Variants in CNST observed in about 807,000 individuals in gnomAD.
CNST encodes the protein consortin.
A neutral mutation model predicts 72.4 loss-of-function variants in CNST; 39 were observed. The observed-to-expected ratio is 0.54, with a 90% CI of 0.42 to 0.70. CNST has a LOEUF of 0.70. Ranked by LOEUF, CNST falls within the 30% of genes least tolerant of loss-of-function variation. The pLI is 0.00. For synonymous variants in CNST, 332 were observed against 320.1 expected, an observed-to-expected ratio of 1.04 and a Z score of -0.40; for missense variants, 871 against 868.5, an observed-to-expected ratio of 1.00 and a Z score of -0.04.
At chr1:246,657,269 G>C (rs1431332456) in intron 9 of CNST, among the ~76,000 whole-genome samples, 1 of 152,162 alleles carries the variant, frequency 6.6e-6, no homozygotes, top group Non-Finnish European at 1.5e-5. Flanking sequence ...TCCTTGGCCT[G>C]CATCTCTTAT....
rs545850789 is a variant in CNST, at chr1:246,610,116, A to G, written c.380-11313A>G. Among the ~76,000 whole-genome samples, 4 of 152,054 alleles carry G rather than the reference A, an allele frequency of 2.6e-5. No homozygotes were observed. The East Asian group carries it at 7.8e-4, about 29-fold the overall frequency. On this transcript the variant is annotated intron_variant, in intron 2 of 10. Coordinates refer to ENST00000366513, the MANE Select transcript of CNST (RefSeq NM_152609.3). ...GTCAAGATGGTGAAACCCCATCTCT[A>G]CTAAAAATACAAAAAATTAGCCAGG...
intron 3 of CNST, among the ~76,000 whole-genome samples, chr1:246,625,712 G>A (rs563836600): frequency 7.2e-5 from 11 of 152,106 alleles, no homozygotes; most frequent in Admixed American, 1.3e-4. Flanking sequence ...GAGCCACTGC[G>A]CCCGGCCTAA....
rs866236398 is a variant in CNST at position 246,632,314 on chromosome 1, A to C, written c.616+390A>C. 17 of 299,674 alleles carry C rather than the reference A, an allele frequency of 5.7e-5. No individual in the cohort carries two copies. The Middle Eastern group carries it at 5.2e-3, about 92-fold the overall frequency. 18.6% of individuals were successfully genotyped at this position (299,674 alleles called of 1,614,324 possible). A position where few individuals can be genotyped will look rare whatever the true frequency, so the allele number is the denominator to read the frequency against. On this transcript the variant is annotated intron_variant, in intron 4 of 10. Coordinates refer to ENST00000366513, the MANE Select transcript of CNST (RefSeq NM_152609.3). The stretch of plus-strand genomic sequence containing the variant: ...TTTTGAGCTTGGCAACGTGCGCCAC[A>C]GACTTGGGACCCGGGACATTGCCGC...
intron 2 of CNST, among the ~76,000 whole-genome samples, chr1:246,599,393 A>G (rs1662113476): frequency 1.3e-5 from 2 of 152,146 alleles, no homozygotes; most frequent in Non-Finnish European, 2.9e-5. Flanking sequence ...CCCTGGGAGA[A>G]TCTGTTTCCT....
chr1:246,660,713 G>C (rs1481988478), intron 10 of CNST, among the ~76,000 whole-genome samples: 1 of 152,090 alleles, frequency 6.6e-6, no homozygotes, highest in Non-Finnish European at 1.5e-5. Flanking sequence ...GCAGAGCGAG[G>C]CTCCATCTCA....
At chr1:246,634,140 A>G (rs1159983868) in intron 5 of CNST, 130 bp downstream of exon 5, 10 of 658,332 alleles carry the variant, frequency 1.5e-5, no homozygotes, top group Non-Finnish European at 2.7e-5. Flanking sequence ...TAATGTTGCA[A>G]AGAAAGTAGC....
At position 246,666,962 on chromosome 1, in the gene CNST, AT is replaced by A. The variant is rs1667414877; in HGVS notation, c.*1060del. The A allele has an allele frequency of 1.3e-5, 2 of 152,204 alleles. No individual in the cohort carries two copies. Among genetic ancestry groups the A allele is most frequent in the Admixed American group, 1.3e-4 (2 of 15,286 alleles). The allele number at this position is 152,204 out of a possible 1,614,324, so 9.4% of individuals were successfully genotyped here. A position where few individuals can be genotyped will look rare whatever the true frequency, so the allele number is the denominator to read the frequency against. ...AATGTGCATTCTTGTTGTGGGCTTG[AT>A]TTAGATCCTATTGCGGGGTCATTAC... On this transcript the variant is annotated 3_prime_UTR_variant, in exon 11 of 11. Transcript: ENST00000366513.
intron 1 of CNST, among the ~76,000 whole-genome samples, chr1:246,568,880 T>G (rs1572101116): frequency 6.6e-6 from 1 of 152,340 alleles, no homozygotes; most frequent in Non-Finnish European, 1.5e-5. Context: ...ATACTTTTTT[T>G]CTTGCTTTTT....
intron 1 of CNST, among the ~76,000 whole-genome samples, chr1:246,578,652 CAG>C (rs1383904369): frequency 6.6e-6 from 1 of 151,096 alleles, no homozygotes; most frequent in Non-Finnish European, 1.5e-5. Flanking sequence ...GCCTAGGCAA[CAG>C]AGAGACTCCG....
chr1:246,654,796 C>T (rs926416818), intron 9 of CNST, among the ~76,000 whole-genome samples: 2 of 148,914 alleles, frequency 1.3e-5, no homozygotes, highest in Non-Finnish European at 3.0e-5. Flanking sequence ...TTGCTAGGTG[C>T]TATCTATATG....
intron 2 of CNST, among the ~76,000 whole-genome samples, chr1:246,615,895 C>T (rs997486533): frequency 6.6e-6 from 1 of 151,594 alleles, no homozygotes; most frequent in Admixed American, 6.6e-5. Flanking sequence ...AAAAAAGAAA[C>T]CACATCTCTG....
chr1:246,656,096 C>G (rs957871597), intron 9 of CNST, among the ~76,000 whole-genome samples: 8 of 152,162 alleles, frequency 5.3e-5, no homozygotes, highest in Non-Finnish European at 1.0e-4. Context: ...ATTCTCAAAT[C>G]AGTTGGAAGC....
intron 2 of CNST, among the ~76,000 whole-genome samples, chr1:246,596,471 A>G (rs1661892459): frequency 1.3e-5 from 2 of 152,162 alleles, no homozygotes; most frequent in South Asian, 2.1e-4. Flanking sequence ...ATATTATCCT[A>G]AAAACTAATG....
Position 246,579,229 on chromosome 1 carries a change from C to T in CNST, c.-51-12283C>T, listed in dbSNP as rs149664818. ...CACCTTTAGAAGTGAATTGATGTTA[C>T]CAGAGAGTGTCCATTTATCATCCTG... On this transcript the variant is annotated intron_variant, in intron 1 of 10. Transcript: ENST00000366513. Among the ~76,000 whole-genome samples, 240 of 152,238 alleles carry T rather than the reference C, an allele frequency of 1.6e-3. 1 individual carries two copies. The highest frequency in any genetic ancestry group is 5.6e-3 in the African/African-American group (232 of 41,544).
At chr1:246,605,119 G>A (rs983089016) in intron 2 of CNST, among the ~76,000 whole-genome samples, 1 of 152,198 alleles carries the variant, frequency 6.6e-6, no homozygotes, top group Middle Eastern at 3.2e-3. Context: ...TCTGATAGTT[G>A]ATGAATTCAG....
At chr1:246,657,971 G>A (rs979481855) in intron 9 of CNST, among the ~76,000 whole-genome samples, 59 of 152,240 alleles carry the variant, frequency 3.9e-4, no homozygotes, top group Admixed American at 3.5e-3. Flanking sequence ...TAATAGGGTT[G>A]TTTTTTCTAA....
chr1:246,652,776 G>A (rs932272297), intron 9 of CNST, among the ~76,000 whole-genome samples: 42 of 116,008 alleles, frequency 3.6e-4, no homozygotes, highest in South Asian at 2.5e-3. Flanking sequence ...AGGCCAAGGC[G>A]GGCGGATCAC....
chr1:246,661,480 C>A (rs924451161), intron 10 of CNST, among the ~76,000 whole-genome samples: 1 of 152,226 alleles, frequency 6.6e-6, no homozygotes, highest in African/African-American at 2.4e-5. Context: ...TATGAATATT[C>A]TCTTCAGTGA....
chr1:246,614,299 T>C (rs906750575), intron 2 of CNST, among the ~76,000 whole-genome samples: 2 of 152,200 alleles, frequency 1.3e-5, no homozygotes, highest in Non-Finnish European at 2.9e-5. Flanking sequence ...ACTTTGACTG[T>C]AACCTCTCAC....
Sources: allele counts gnomAD v4.1 joint callset (sites outside exome capture counted in the v4.1 genomes callset), GRCh38; gene constraint gnomAD v4.1.1; transcripts MANE v1.5; gene names NCBI Gene and HGNC (gene_info 2026-07-23, HGNC 2026-07-21).